The following EYA4 variants were observed in gnomAD, a reference collection of about 807,000 sequenced individuals.
The protein encoded by EYA4 is protein phosphatase EYA4.
EYA4 carries 31 observed loss-of-function variants against 87.9 expected under a neutral mutation model. That is an observed-to-expected ratio of 0.35 (90% CI 0.27 to 0.48). The LOEUF is 0.48. Ranked by LOEUF, EYA4 falls within the 20% of genes least tolerant of loss-of-function variation. The pLI, the probability that EYA4 is intolerant of heterozygous loss-of-function variation, is 0.99. For missense variants in EYA4, 678 were observed against 761.4 expected, an observed-to-expected ratio of 0.89 and a Z score of 1.29; for synonymous variants, 263 against 270.6, an observed-to-expected ratio of 0.97 and a Z score of 0.28.
intron 2 of EYA4, among the ~76,000 whole-genome samples, chr6:133,348,721 C>A (rs1303072774): frequency 1.3e-5 from 2 of 152,090 alleles, no homozygotes; most frequent in African/African-American, 2.4e-5. Context: ...GTTGGCTCTA[C>A]CCTTAAAATA....
chr6:133,332,313 A>G (rs1183507618), intron 2 of EYA4, among the ~76,000 whole-genome samples: 1 of 152,208 alleles, frequency 6.6e-6, no homozygotes, highest in Non-Finnish European at 1.5e-5. Flanking sequence ...ATCACCCTTA[A>G]TTAAAGTTCT....
chr6:133,456,871 C>A (rs1793959655), intron 6 of EYA4, among the ~76,000 whole-genome samples: 2 of 152,020 alleles, frequency 1.3e-5, no homozygotes. Context: ...AGCAAAAGTC[C>A]CATGACTTTC....
chr6:133,407,289 G>A (rs890692341), intron 3 of EYA4, among the ~76,000 whole-genome samples: 18 of 139,532 alleles, frequency 1.3e-4, no homozygotes, highest in African/African-American at 4.3e-4. Context: ...CGTATTTATC[G>A]AAAGAGATTT....
intron 2 of EYA4, among the ~76,000 whole-genome samples, chr6:133,330,315 G>C (rs1190025164): frequency 2.0e-5 from 3 of 151,870 alleles, no homozygotes; most frequent in Non-Finnish European, 4.4e-5. Flanking sequence ...TTGCTAATTA[G>C]CCAATGAATA....
intron 3 of EYA4, among the ~76,000 whole-genome samples, chr6:133,434,836 G>T (rs933523984): frequency 6.6e-6 from 1 of 152,132 alleles, no homozygotes; most frequent in Admixed American, 6.5e-5. Context: ...GAAAAAAACA[G>T]TGATATGTTT....
At chr6:133,412,188 T>C (rs1789302398) in intron 3 of EYA4, among the ~76,000 whole-genome samples, 1 of 152,200 alleles carries the variant, frequency 6.6e-6, no homozygotes, top group East Asian at 1.9e-4. Context: ...AGATAATATA[T>C]AGATATATAG....
At chr6:133,284,061 G>A (rs192334842) in intron 2 of EYA4, among the ~76,000 whole-genome samples, 13 of 152,242 alleles carry the variant, frequency 8.5e-5, no homozygotes, top group Admixed American at 7.8e-4. Flanking sequence ...CAACTTACAT[G>A]ATTTTCAGAC....
intron 13 of EYA4, among the ~76,000 whole-genome samples, chr6:133,497,209 C>T (rs1797718697): frequency 6.6e-6 from 1 of 151,998 alleles, no homozygotes. Context: ...GGTTCTTAAT[C>T]TCTGTATTCT....
intron 2 of EYA4, among the ~76,000 whole-genome samples, chr6:133,350,046 T>C (rs78495369): frequency 0.089 from 13,551 of 152,160 alleles, 774 homozygotes; most frequent in East Asian, 0.16. Context: ...TCAAGAATGT[T>C]TGATGAAGAA....
At chr6:133,276,798 G>A (rs1471895547) in intron 2 of EYA4, among the ~76,000 whole-genome samples, 1 of 151,702 alleles carries the variant, frequency 6.6e-6, no homozygotes, top group Non-Finnish European at 1.5e-5. Context: ...GCAGAGTTAG[G>A]ACTTCACACG....
chr6:133,481,579 C>G lies in EYA4; in HGVS notation c.1087C>G (p.Pro363Ala). 1 of 1,614,004 alleles carries G rather than the reference C, an allele frequency of 6.2e-7. No homozygotes were observed. The highest frequency in any genetic ancestry group is 8.5e-7 in the Non-Finnish European group (1 of 1,179,932). Residue 363 changes from proline to alanine, a missense_variant, in exon 12 of 20, where the codon CCT (proline) becomes GCT (alanine). Pro to Ala is a conservative substitution (Grantham distance 27). Coordinates refer to ENST00000355286, the MANE Select transcript of EYA4 (RefSeq NM_004100.5). ...AGGCCGGAAAAATAATCCCTCCCCG[C>G]CTCCTGATAGTGACCTGGAGGTATG... ...GRGRKNNPSP[P>A]PDSDLERVFV...
At chr6:133,363,536 G>T (rs531321868) in intron 2 of EYA4, 1 of 149,980 alleles carries the variant, frequency 6.7e-6, no homozygotes, top group Non-Finnish European at 1.5e-5. Flanking sequence ...GTGCAGTGGC[G>T]CGATCTAGGC....
chr6:133,501,283 G>GT (rs1798091931), intron 13 of EYA4, among the ~76,000 whole-genome samples: 1 of 151,748 alleles, frequency 6.6e-6, no homozygotes, highest in Non-Finnish European at 1.5e-5. Context: ...ATACTCCCTT[G>GT]TTTTCTTGTC....
chr6:133,265,735 A>G (rs1255440668), intron 1 of EYA4, among the ~76,000 whole-genome samples: 1 of 152,252 alleles, frequency 6.6e-6, no homozygotes, highest in Non-Finnish European at 1.5e-5. Flanking sequence ...TCAAGGAAAT[A>G]TAAAGCAAAG....
chr6:133,476,243 A>G (rs1795718645), intron 11 of EYA4, among the ~76,000 whole-genome samples: 1 of 152,140 alleles, frequency 6.6e-6, no homozygotes, highest in African/African-American at 2.4e-5. Context: ...TCACATGCTT[A>G]TCATTTTGTG....
In EYA4 at chr6:133,476,190, A is replaced by G. The variant is rs73544969; in HGVS notation, c.971-5273A>G. On this transcript the variant is annotated intron_variant, in intron 11 of 19. Coordinates refer to ENST00000355286, the MANE Select transcript of EYA4 (RefSeq NM_004100.5). ...ACCCATTGTTTTGAAATACATTTAT[A>G]TTGTGAAATGGCTAAATTGAGCTGA... Among the ~76,000 whole-genome samples the G allele has an allele frequency of 3.4e-4, 51 of 152,178 alleles. 1 individual carries two copies. Among genetic ancestry groups the G allele is most frequent in the African/African-American group, 1.2e-3 (50 of 41,530 alleles).
intron 3 of EYA4, among the ~76,000 whole-genome samples, chr6:133,445,447 T>C (rs958782798): frequency 8.5e-5 from 13 of 152,320 alleles, no homozygotes; most frequent in South Asian, 8.3e-4. Context: ...TTAGTATTTG[T>C]TATAGTTCAG....
At chr6:133,391,511 C>T (rs1371230963) in intron 3 of EYA4, among the ~76,000 whole-genome samples, 1 of 152,178 alleles carries the variant, frequency 6.6e-6, no homozygotes, top group African/African-American at 2.4e-5. Flanking sequence ...CGTTCTGTGT[C>T]TTTATCTCTC....
intron 2 of EYA4, among the ~76,000 whole-genome samples, chr6:133,297,244 G>T (rs971357634): frequency 1.3e-5 from 2 of 152,096 alleles, no homozygotes; most frequent in African/African-American, 4.8e-5. Context: ...AATCCCTGGG[G>T]TCTGAATTCA....
Sources: gnomAD v4.1 joint callset for allele counts (sites outside exome capture counted in the v4.1 genomes callset) on GRCh38, gnomAD v4.1.1 for gene constraint, MANE v1.5 for transcripts, NCBI Gene and HGNC (gene_info 2026-07-23, HGNC 2026-07-21) for gene names.